ZNRF3: variants seen among roughly 807,000 people sequenced by gnomAD.
The protein encoded by ZNRF3 is zinc and ring finger 3, also known as E3 ubiquitin-protein ligase ZNRF3.
A neutral mutation model predicts 72.5 loss-of-function variants in ZNRF3; 23 were observed. That is an observed-to-expected ratio of 0.32 (90% CI 0.23 to 0.45). The LOEUF (loss-of-function observed/expected upper bound fraction) is 0.45, where lower values mean the gene tolerates loss of function less well. Among genes scored for constraint, ZNRF3 ranks in the 20% least tolerant of loss-of-function variants. The pLI, the probability that ZNRF3 is intolerant of heterozygous loss-of-function variation, is 1.00. For synonymous variants in ZNRF3, 610 were observed against 545.3 expected (o/e 1.12, Z -1.65); for missense variants, 1,169 against 1,272.1 (o/e 0.92, Z 1.23).
At chr22:29,034,398 TA>T (rs1344211110) in intron 2 of ZNRF3, among the ~76,000 whole-genome samples, 2 of 152,148 alleles carry the variant, frequency 1.3e-5, no homozygotes, top group Non-Finnish European at 1.5e-5. Context: ...ACCTGTGAGT[TA>T]AAGTGATGGG....
rs139430 is a variant in ZNRF3 at position 28,894,338 on chromosome 22, C to CTTT, written c.300+10285_300+10287dup. Among the ~76,000 whole-genome samples, 125 of 139,364 alleles carry CTTT rather than the reference C, an allele frequency of 9.0e-4. 2 individuals carry two copies. In the South Asian group the frequency reaches 0.023, roughly 26 times the overall value. The allele number at this position is 139,364 out of a possible 152,430, so 91.4% of individuals were successfully genotyped here. On this transcript the variant is annotated intron_variant, in intron 1 of 8. Transcript: ENST00000544604. The stretch of plus-strand genomic sequence containing the variant: ...CATTTAGTAAATAGTAAAATACTGG[C>CTTT]TTTTTTTTTTTTTTTGTCTGCCATA...
intron 1 of ZNRF3, among the ~76,000 whole-genome samples, chr22:28,901,635 C>CTTTTTT: frequency 1.3e-5 from 1 of 74,814 alleles, no homozygotes; most frequent in African/African-American, 4.9e-5. Flanking sequence ...ATGGATGGAC[C>CTTTTTT]TTTTTTTTTT....
chr22:29,026,446 T>C (rs2036638934), intron 2 of ZNRF3: 2 of 152,328 alleles, frequency 1.3e-5, no homozygotes, highest in African/African-American at 4.8e-5. Flanking sequence ...AGGGCTTACT[T>C]CAAGAAAGCA....
rs545788886 is a variant in ZNRF3 at position 28,909,062 on chromosome 22, A to AT, written c.300+25004dup. Among the ~76,000 whole-genome samples the AT allele has an allele frequency of 1.0e-3, 151 of 150,538 alleles. 2 individuals carry two copies. In the South Asian group the frequency reaches 0.021, roughly 21 times the overall value. The stretch of plus-strand genomic sequence containing the variant: ...ACGTGCACGCTGCCACACCCAGCTA[A>AT]TTTTTTTTGTGTGTGTGTATTTTAG... On this transcript the variant is annotated intron_variant, in intron 1 of 8. Coordinates refer to ENST00000544604, the MANE Select transcript of ZNRF3 (RefSeq NM_001206998.2).
intron 1 of ZNRF3, among the ~76,000 whole-genome samples, chr22:28,901,359 C>T (rs529787416): frequency 3.3e-5 from 5 of 152,238 alleles, no homozygotes; most frequent in South Asian, 4.1e-4. Flanking sequence ...TGTTGGCTGA[C>T]GTGGCACCTG....
At chr22:28,939,021 A>G (rs1311972216) in intron 1 of ZNRF3, among the ~76,000 whole-genome samples, 3 of 152,246 alleles carry the variant, frequency 2.0e-5, no homozygotes, top group African/African-American at 7.2e-5. Flanking sequence ...ACGGTGGCTC[A>G]TGCCTGTAAT....
At chr22:28,919,653 C>T (rs1208974165) in intron 1 of ZNRF3, among the ~76,000 whole-genome samples, 2 of 148,692 alleles carry the variant, frequency 1.3e-5, no homozygotes, top group Non-Finnish European at 3.0e-5. Context: ...ATTACAGGCG[C>T]GTGCCACCAT....
In ZNRF3 at chr22:28,981,352, T is replaced by C. The variant is rs141142823; in HGVS notation, c.301-5724T>C. Among the ~76,000 whole-genome samples the C allele has an allele frequency of 2.2e-3, 339 of 152,290 alleles. 11 individuals are homozygous for C. The East Asian group carries it at 0.058, about 26-fold the overall frequency. On this transcript the variant is annotated intron_variant, in intron 1 of 8. Coordinates refer to ENST00000544604, the MANE Select transcript of ZNRF3 (RefSeq NM_001206998.2). Reference sequence around the variant, plus strand: ...TTTTAAAATCAGAGGCTAATAATTCTTTTTTATCTTTTTAAAAAAATTGAG... The same window carrying C: ...TTTTAAAATCAGAGGCTAATAATTCCTTTTTATCTTTTTAAAAAAATTGAG...
rs1476648562 is a variant in ZNRF3 at position 28,961,097 on chromosome 22, AG to A, written c.301-25977del. ...GAGGAGGCTGGAAAGTCCAAGATCAAGGTGCCAGCAGATTTGGTTTCTGCTG... is the reference window on the plus strand; with the variant it reads ...GAGGAGGCTGGAAAGTCCAAGATCAAGTGCCAGCAGATTTGGTTTCTGCTG... On this transcript the variant is annotated intron_variant, in intron 1 of 8. Transcript: ENST00000544604. 2.0e-5 allele frequency among the ~76,000 whole-genome samples: 3 copies of A among 152,220 alleles called. No homozygotes were observed. In the East Asian group the frequency reaches 5.8e-4, roughly 29 times the overall value.
At chr22:28,972,131 T>C (rs2035586238) in intron 1 of ZNRF3, among the ~76,000 whole-genome samples, 1 of 152,242 alleles carries the variant, frequency 6.6e-6, no homozygotes, top group Non-Finnish European at 1.5e-5. Context: ...ATAATTCACA[T>C]ACCATATAAT....
chr22:28,941,963 AAACAAC>A (rs916082755), intron 1 of ZNRF3, among the ~76,000 whole-genome samples: 41 of 152,164 alleles, frequency 2.7e-4, no homozygotes, highest in Admixed American at 1.2e-3. Context: ...CTCAAAAACA[AAACAAC>A]AACAACAACA....
chr22:28,953,094 A>G (rs893865361), intron 1 of ZNRF3, among the ~76,000 whole-genome samples: 4 of 152,232 alleles, frequency 2.6e-5, no homozygotes, highest in East Asian at 1.9e-4. Flanking sequence ...AGCATGTTGC[A>G]TAACTGCAGG....
At position 29,046,807 on chromosome 22, in the gene ZNRF3, G is replaced by A; in HGVS notation, c.836G>A (p.Cys279Tyr). 6.2e-7 allele frequency: 1 copy of A among 1,611,978 alleles called. No homozygotes were observed. The highest frequency in any genetic ancestry group is 8.5e-7 in the Non-Finnish European group (1 of 1,178,968). Residue 279 changes from cysteine to tyrosine, a missense_variant, in exon 6 of 9, where the codon TGT becomes TAT. By Grantham distance (194) the Cys-to-Tyr change is radical (BLOSUM62 -2). Transcript: ENST00000544604. ...SKSKGRREGS[C>Y]GALDTLSSSS... ...AGCAAGGGGCGCCGGGAGGGGAGCT[G>A]TGGGGCCCTGGACACACTCAGCAGC...
intron 2 of ZNRF3, among the ~76,000 whole-genome samples, chr22:28,995,410 A>T (rs1247325737): frequency 6.6e-6 from 1 of 152,240 alleles, no homozygotes; most frequent in Non-Finnish European, 1.5e-5. Context: ...ACTGGGCGAC[A>T]GAGCGAGAAT....
Position 28,941,477 on chromosome 22 carries a change from C to T in ZNRF3, c.301-45599C>T, listed in dbSNP as rs778695021. ...TTATTTTTTAAAATTTCTCGTTTTCCTTTTCTCTTTTCCACTTGGCTGAGG... is the reference window on the plus strand; with the variant it reads ...TTATTTTTTAAAATTTCTCGTTTTCTTTTTCTCTTTTCCACTTGGCTGAGG... On this transcript the variant is annotated intron_variant, in intron 1 of 8. Transcript: ENST00000544604. 1.4e-4 allele frequency among the ~76,000 whole-genome samples: 21 copies of T among 152,180 alleles called. 3 individuals carry two copies. In the South Asian group the frequency reaches 4.0e-3, roughly 29 times the overall value.
At chr22:28,985,647 T>C (rs1186735046) in intron 1 of ZNRF3, among the ~76,000 whole-genome samples, 2 of 152,322 alleles carry the variant, frequency 1.3e-5, no homozygotes, top group East Asian at 3.9e-4. Context: ...AGGCACTGGA[T>C]TGTGAATCCA....
chr22:28,892,651 A>G (rs738457), intron 1 of ZNRF3, among the ~76,000 whole-genome samples: 17,842 of 152,194 alleles, frequency 0.12, 1,570 homozygotes, highest in East Asian at 0.3. Flanking sequence ...CAGCTGGCCC[A>G]TTGTGGTTCA....
intron 1 of ZNRF3, among the ~76,000 whole-genome samples, chr22:28,912,967 G>T (rs2034346234): frequency 6.6e-6 from 1 of 152,130 alleles, no homozygotes; most frequent in Admixed American, 6.6e-5. Flanking sequence ...CACCCGGCAG[G>T]GACACAGTTT....
chr22:29,000,222 A>G (rs2036119052), intron 2 of ZNRF3, among the ~76,000 whole-genome samples: 2 of 152,234 alleles, frequency 1.3e-5, no homozygotes, highest in African/African-American at 4.8e-5. Context: ...GCACTGTTGG[A>G]TTAAATAAAA....
Sources: allele counts gnomAD v4.1 joint callset (sites outside exome capture counted in the v4.1 genomes callset), GRCh38; gene constraint gnomAD v4.1.1; transcripts MANE v1.5; gene names NCBI Gene and HGNC (gene_info 2026-07-23, HGNC 2026-07-21).